The following ADGRA3 variants were observed in gnomAD, a reference collection of about 807,000 sequenced individuals.
ADGRA3 encodes the protein G-protein coupled receptor 125.
ADGRA3 carries 56 observed loss-of-function variants against 119.8 expected under a neutral mutation model. The ratio of observed to expected loss-of-function variants is 0.47; its 90% CI spans 0.38 to 0.58. The LOEUF is 0.58. Among genes scored for constraint, ADGRA3 ranks in the 20% least tolerant of loss-of-function variants. ADGRA3 has a pLI of 0.00. For synonymous variants in ADGRA3, 607 were observed against 623.8 expected, an observed-to-expected ratio of 0.97 and a Z score of 0.40; for missense variants, 1,516 against 1,649.0, an observed-to-expected ratio of 0.92 and a Z score of 1.40.
At chr4:22,482,544 A>G (rs1718289715) in intron 1 of ADGRA3, among the ~76,000 whole-genome samples, 1 of 151,686 alleles carries the variant, frequency 6.6e-6, no homozygotes, top group Non-Finnish European at 1.5e-5. Flanking sequence ...GTGAGCATGT[A>G]GTCCTGGCTC....
At position 22,402,769 on chromosome 4, in the gene ADGRA3, C is replaced by T; in HGVS notation, c.2263G>A (p.Ala755Thr). 1 of 1,613,690 alleles carries T rather than the reference C, an allele frequency of 6.2e-7. No individual in the cohort carries two copies. The highest frequency in any genetic ancestry group is 8.5e-7 in the Non-Finnish European group (1 of 1,179,756). Residue 755 changes from alanine (A) to threonine (T), a missense_variant, in exon 15 of 19, where the codon GCG becomes ACG. Coordinates refer to ENST00000334304, the MANE Select transcript of ADGRA3 (RefSeq NM_145290.4). ...DLTGSELYTQ[A>T]ASLLHPVVYT... Reference sequence around the variant, plus strand: ...ACCACAGGATGCAGGAGGCTGGCCGCCTGGGTGTATAGTTCAGATCCCGTC... The same window carrying T: ...ACCACAGGATGCAGGAGGCTGGCCGTCTGGGTGTATAGTTCAGATCCCGTC...
intron 14 of ADGRA3, among the ~76,000 whole-genome samples, chr4:22,406,889 T>A (rs1322038730): frequency 6.6e-6 from 1 of 151,984 alleles, no homozygotes; most frequent in African/African-American, 2.4e-5. Flanking sequence ...TTAAAAGCCA[T>A]TATTAGCTTT....
At chr4:22,408,454 T>C (rs927169863) in intron 14 of ADGRA3, among the ~76,000 whole-genome samples, 3 of 151,748 alleles carry the variant, frequency 2.0e-5, no homozygotes, top group African/African-American at 7.3e-5. Context: ...ATTAAGAAAA[T>C]GAAAGACAAC....
intron 8 of ADGRA3, among the ~76,000 whole-genome samples, chr4:22,437,866 A>G (rs1470793780): frequency 2.6e-5 from 4 of 152,196 alleles, no homozygotes; most frequent in African/African-American, 9.6e-5. Context: ...GTACCTTAGC[A>G]ATATAAAACC....
intron 6 of ADGRA3, among the ~76,000 whole-genome samples, chr4:22,443,509 G>T (rs531335481): frequency 2.6e-5 from 4 of 152,072 alleles, no homozygotes; most frequent in African/African-American, 9.6e-5. Flanking sequence ...GTATCCTAAA[G>T]AATAATAGAA....
At chr4:22,417,391 A>G (rs1416072868) in intron 12 of ADGRA3, among the ~76,000 whole-genome samples, 1 of 152,090 alleles carries the variant, frequency 6.6e-6, no homozygotes, top group Non-Finnish European at 1.5e-5. Context: ...AACAGCAACA[A>G]AACAGTAAGA....
intron 11 of ADGRA3, among the ~76,000 whole-genome samples, chr4:22,421,946 GTCAGAAAAATCA>G (rs1715717700): frequency 7.0e-6 from 1 of 143,578 alleles, no homozygotes; most frequent in South Asian, 2.1e-4. Context: ...AGCAAATTAG[GTCAGAAAAATCA>G]TCTGAAAAAT....
chr4:22,455,353 G>C (rs1176537545), intron 3 of ADGRA3, among the ~76,000 whole-genome samples: 1 of 151,982 alleles, frequency 6.6e-6, no homozygotes, highest in Non-Finnish European at 1.5e-5. Context: ...ATGGATAAAA[G>C]GGCAAAATAT....
At chr4:22,503,967 C>G (rs1269509245) in intron 1 of ADGRA3, among the ~76,000 whole-genome samples, 2 of 152,130 alleles carry the variant, frequency 1.3e-5, no homozygotes, top group East Asian at 3.9e-4. Flanking sequence ...CTTTAACATA[C>G]AGAGTTAGCA....
chr4:22,451,440 G>T (rs1717036686), intron 4 of ADGRA3, among the ~76,000 whole-genome samples: 1 of 151,930 alleles, frequency 6.6e-6, no homozygotes, highest in Admixed American at 6.6e-5. Context: ...TGTTACAGTG[G>T]GACAGAGTGA....
In ADGRA3 at chr4:22,442,852, C is replaced by G. The variant is rs1175800415; in HGVS notation, c.718G>C (p.Glu240Gln). The G allele has an allele frequency of 6.2e-7, 1 of 1,611,842 alleles. No homozygotes were observed. Among genetic ancestry groups the G allele is most frequent in the Non-Finnish European group, 8.5e-7 (1 of 1,178,234 alleles). The part of the protein sequence containing the change: ...QELLTCDPPL[E>Q]LPSFYMTPSH... ...GGAGTCATGTAGAAAGACGGCAATT[C>G]AAGCGGAGGGTCTAGAGACAATCAA... Residue 240 changes from glutamate to glutamine, a missense_variant, in exon 7 of 19, where the codon GAA becomes CAA. Physicochemically the swap from Glu to Gln is conservative, Grantham distance 29 (BLOSUM62 2). Transcript: ENST00000334304.
intron 7 of ADGRA3, among the ~76,000 whole-genome samples, chr4:22,439,774 G>C (rs538392156): frequency 2.0e-5 from 3 of 152,100 alleles, no homozygotes; most frequent in African/African-American, 7.2e-5. Context: ...AGTATATTTC[G>C]TCAATGAAAA....
chr4:22,481,399 C>G (rs1247535212), intron 1 of ADGRA3, among the ~76,000 whole-genome samples: 1 of 152,090 alleles, frequency 6.6e-6, no homozygotes, highest in African/African-American at 2.4e-5. Context: ...GCAAAAAAAC[C>G]CAGCCAGCCA....
chr4:22,441,019 G>T (rs961449616), intron 7 of ADGRA3, among the ~76,000 whole-genome samples: 2 of 152,142 alleles, frequency 1.3e-5, no homozygotes, highest in African/African-American at 4.8e-5. Flanking sequence ...TTGAACATAT[G>T]AAGATTGATC....
At chr4:22,474,208 TAGC>T (rs1717959126) in intron 1 of ADGRA3, among the ~76,000 whole-genome samples, 1 of 152,206 alleles carries the variant, frequency 6.6e-6, no homozygotes, top group East Asian at 1.9e-4. Context: ...AATGGAAACT[TAGC>T]AGAAAAATGC....
At chr4:22,493,700 G>A (rs1430135661) in intron 1 of ADGRA3, among the ~76,000 whole-genome samples, 2 of 152,140 alleles carry the variant, frequency 1.3e-5, no homozygotes, top group Non-Finnish European at 2.9e-5. Flanking sequence ...TTTTGTCAGA[G>A]GCACGTGAAC....
intron 1 of ADGRA3, among the ~76,000 whole-genome samples, chr4:22,508,233 C>T (rs73114188): frequency 1.3e-5 from 2 of 152,154 alleles, no homozygotes; most frequent in African/African-American, 2.4e-5. Context: ...AATGCCAGAA[C>T]AGTGAAGAGT....
At chr4:22,508,996 A>G (rs1419195414) in intron 1 of ADGRA3, among the ~76,000 whole-genome samples, 1 of 151,832 alleles carries the variant, frequency 6.6e-6, no homozygotes, top group Non-Finnish European at 1.5e-5. Flanking sequence ...CTTGACACCC[A>G]TGTTCCACCC....
intron 16 of ADGRA3, among the ~76,000 whole-genome samples, chr4:22,398,423 A>G (rs911424290): frequency 2.0e-4 from 30 of 152,274 alleles, no homozygotes; most frequent in African/African-American, 7.2e-4. Context: ...TGATAAGTAC[A>G]TAAGAATCTA....
Sources: gnomAD v4.1 joint callset for allele counts (sites outside exome capture counted in the v4.1 genomes callset) on GRCh38, gnomAD v4.1.1 for gene constraint, MANE v1.5 for transcripts, NCBI Gene and HGNC (gene_info 2026-07-23, HGNC 2026-07-21) for gene names.